Variants in CMSS1 observed in about 807,000 individuals in gnomAD.
CMSS1 encodes protein CMSS1.
Under a neutral mutation model 43.5 loss-of-function variants are expected in CMSS1, and 33 were observed. The observed-to-expected ratio is 0.76, with a 90% confidence interval of 0.57 to 1.01. CMSS1 has a LOEUF of 1.01. CMSS1 is among the 50% of genes least tolerant of loss of function. The pLI is 0.00. For missense variants in CMSS1, 313 were observed against 326.4 expected (o/e 0.96, Z 0.32); for synonymous variants, 115 against 117.2 (o/e 0.98, Z 0.12).
intron 1 of CMSS1, among the ~76,000 whole-genome samples, chr3:99,896,103 G>GA (rs923066942): frequency 1.3e-4 from 19 of 147,050 alleles, no homozygotes; most frequent in East Asian, 3.9e-4. Context: ...TAAACTTTTA[G>GA]AAAAAAAAAA....
chr3:99,950,604 G>A (rs902486205), intron 1 of CMSS1, among the ~76,000 whole-genome samples: 2 of 152,194 alleles, frequency 1.3e-5, no homozygotes, highest in Admixed American at 6.5e-5. Context: ...GTTCCCAGCA[G>A]GAAGTGGCCC....
At chr3:99,899,036 A>G (rs181253839) in intron 1 of CMSS1, among the ~76,000 whole-genome samples, 3 of 152,300 alleles carry the variant, frequency 2.0e-5, no homozygotes, top group Non-Finnish European at 1.5e-5. Context: ...TGAAAAAAAA[A>G]TGTGGTTATT....
At chr3:99,923,193 C>T (rs536124211) in intron 1 of CMSS1, among the ~76,000 whole-genome samples, 22 of 152,218 alleles carry the variant, frequency 1.4e-4, no homozygotes, top group African/African-American at 5.1e-4. Context: ...TCTCTTCTCA[C>T]CACACCAACA....
At chr3:99,935,575 G>A (rs945411515) in intron 1 of CMSS1, among the ~76,000 whole-genome samples, 13 of 152,170 alleles carry the variant, frequency 8.5e-5, no homozygotes, top group African/African-American at 2.9e-4. Context: ...CACTCAGGCT[G>A]GAACAAGGAC....
chr3:100,145,778 C>A (rs935989571), intron 1 of CMSS1, among the ~76,000 whole-genome samples: 2 of 152,204 alleles, frequency 1.3e-5, no homozygotes, highest in Non-Finnish European at 2.9e-5. Context: ...TAGGTCAGTG[C>A]TTTTATTTCA....
intron 1 of CMSS1, among the ~76,000 whole-genome samples, chr3:99,880,637 T>C (rs1342371713): frequency 1.3e-5 from 2 of 152,136 alleles, no homozygotes; most frequent in Non-Finnish European, 2.9e-5. Flanking sequence ...AATGATGATA[T>C]TTTGTGGTTT....
At chr3:99,937,373 A>G (rs542237817) in intron 1 of CMSS1, among the ~76,000 whole-genome samples, 1 of 152,296 alleles carries the variant, frequency 6.6e-6, no homozygotes, top group Non-Finnish European at 1.5e-5. Context: ...CTGTTTTCAT[A>G]TATTGTTTAT....
chr3:100,121,017 AT>A (rs1341988191), intron 1 of CMSS1, among the ~76,000 whole-genome samples: 1 of 152,150 alleles, frequency 6.6e-6, no homozygotes, highest in African/African-American at 2.4e-5. Flanking sequence ...GTACCACTGC[AT>A]GCCCTGTATT....
intron 1 of CMSS1, among the ~76,000 whole-genome samples, chr3:99,981,085 T>C (rs1325965675): frequency 6.6e-6 from 1 of 152,196 alleles, no homozygotes; most frequent in African/African-American, 2.4e-5. Flanking sequence ...AAAGGACCTC[T>C]CACATTTGTG....
At chr3:99,931,470 G>C (rs890847878) in intron 1 of CMSS1, among the ~76,000 whole-genome samples, 2 of 152,104 alleles carry the variant, frequency 1.3e-5, no homozygotes, top group South Asian at 4.1e-4. Context: ...AAAATTGTTG[G>C]GAGCTTTTAT....
At chr3:99,823,129 T>C (rs1453879971) in intron 1 of CMSS1, among the ~76,000 whole-genome samples, 1 of 152,232 alleles carries the variant, frequency 6.6e-6, no homozygotes, top group Non-Finnish European at 1.5e-5. Flanking sequence ...AGAAAGTCTT[T>C]TGTTTATATA....
At position 100,100,876 on chromosome 3, in the gene CMSS1, A is replaced by T. The variant is rs1387892133; in HGVS notation, c.65-46097A>T. ...TTCTTTCAGGCAGTTCATGAGGAAG[A>T]TCAGTTTTTCCTGATTCTTCCATTC... On this transcript the variant is annotated intron_variant, in intron 1 of 9. Transcript: ENST00000421999. Among the ~76,000 whole-genome samples, 3 of 152,276 alleles carry T rather than the reference A, an allele frequency of 2.0e-5. 1 individual carries two copies. The highest frequency in any genetic ancestry group is 7.2e-5 in the African/African-American group (3 of 41,556).
intron 1 of CMSS1, chr3:100,141,457 G>A: frequency 2.3e-6 from 1 of 431,986 alleles, no homozygotes; most frequent in Admixed American, 2.6e-5. Context: ...AACATATTGT[G>A]GTGAAGACGG....
At chr3:99,930,665 A>G in intron 1 of CMSS1, 5 of 1,250,318 alleles carry the variant, frequency 4.0e-6, no homozygotes, top group Non-Finnish European at 4.5e-6. Context: ...TCATGTACAC[A>G]CATGTATGAA....
chr3:100,036,267 A>G (rs1559734444), intron 1 of CMSS1, among the ~76,000 whole-genome samples: 1 of 152,200 alleles, frequency 6.6e-6, no homozygotes, highest in Non-Finnish European at 1.5e-5. Context: ...CACTAAGAGG[A>G]ACAAAGCCTT....
chr3:99,903,467 G>A (rs1477693864), intron 1 of CMSS1, among the ~76,000 whole-genome samples: 1 of 152,026 alleles, frequency 6.6e-6, no homozygotes, highest in Non-Finnish European at 1.5e-5. Context: ...GGTCAGGCTG[G>A]TCTCGAACCC....
At chr3:99,911,179 A>AATGT (rs1408887942) in intron 1 of CMSS1, among the ~76,000 whole-genome samples, 7 of 152,066 alleles carry the variant, frequency 4.6e-5, no homozygotes, top group African/African-American at 1.7e-4. Flanking sequence ...AGCCAAATGG[A>AATGT]AATGTATTTC....
intron 1 of CMSS1, among the ~76,000 whole-genome samples, chr3:100,087,574 T>C (rs1054314787): frequency 6.6e-6 from 1 of 152,104 alleles, no homozygotes; most frequent in Non-Finnish European, 1.5e-5. Context: ...TTTTTTTGTT[T>C]AATTGTTTTC....
chr3:99,867,368 T>C (rs1486127492), intron 1 of CMSS1, among the ~76,000 whole-genome samples: 2 of 152,174 alleles, frequency 1.3e-5, no homozygotes, highest in Non-Finnish European at 2.9e-5. Flanking sequence ...TCTTACCTTG[T>C]GATTTGAATT....
Sources: allele counts gnomAD v4.1 joint callset (sites outside exome capture counted in the v4.1 genomes callset), GRCh38; gene constraint gnomAD v4.1.1; transcripts MANE v1.5; gene names NCBI Gene and HGNC (gene_info 2026-07-23, HGNC 2026-07-21).